DROSHA: variants seen among roughly 807,000 people sequenced by gnomAD.
DROSHA encodes the protein drosha ribonuclease III.
Under a neutral mutation model 181.9 loss-of-function variants are expected in DROSHA, and 56 were observed. That is an observed-to-expected ratio of 0.31 (90% CI 0.25 to 0.38). The LOEUF is 0.38. DROSHA is among the 10% of genes least tolerant of loss of function. The pLI, the probability that DROSHA is intolerant of heterozygous loss-of-function variation, is 1.00. For synonymous variants in DROSHA, 524 were observed against 591.2 expected (o/e 0.89, Z 1.65); for missense variants, 1,218 against 1,743.5 (o/e 0.70, Z 5.37).
intron 16 of DROSHA, among the ~76,000 whole-genome samples, chr5:31,482,238 GT>G (rs1363292536): frequency 6.6e-6 from 1 of 152,186 alleles, no homozygotes; most frequent in Non-Finnish European, 1.5e-5. Context: ...TTACTCTTCA[GT>G]ATTACTGAGT....
rs566209411 is a variant in DROSHA at position 31,496,394 on chromosome 5, T to G, written c.1669-1022A>C. ...GTGAGCCAAGATTGCACAACTGCAC[T>G]CCAGCCTGGGTGACAGAGGGAGACC... On this transcript the variant is annotated intron_variant, in intron 11 of 35. Transcript: ENST00000344624. 3.3e-5 allele frequency among the ~76,000 whole-genome samples: 5 copies of G among 152,198 alleles called. No individual in the cohort carries two copies. In the East Asian group the frequency reaches 9.6e-4, roughly 29 times the overall value.
rs1049444003 is a variant in DROSHA, at chr5:31,446,218, G to A, written c.2882+2329C>T. Among the ~76,000 whole-genome samples, 8 of 151,316 alleles carry A rather than the reference G, an allele frequency of 5.3e-5. No individual in the cohort carries two copies. In the East Asian group the frequency reaches 5.9e-4, roughly 11 times the overall value. On this transcript the variant is annotated intron_variant, in intron 23 of 35. Coordinates refer to ENST00000344624, the MANE Select transcript of DROSHA (RefSeq NM_001382508.1). ...TCCCAGCACTTTGGGAGGCCAAGGC[G>A]GGCGGATCACAAGGTCAGGACATCA...
chr5:31,452,486 C>A (rs1747148520), intron 20 of DROSHA, among the ~76,000 whole-genome samples: 1 of 152,104 alleles, frequency 6.6e-6, no homozygotes. Flanking sequence ...GAAGTCATAT[C>A]TTTTTCTTTT....
rs532927869 is a variant in DROSHA at position 31,473,563 on chromosome 5, C to T, written c.2072-1331G>A. Among the ~76,000 whole-genome samples the T allele has an allele frequency of 7.2e-5, 11 of 152,256 alleles. No homozygotes were observed. In the South Asian group the frequency reaches 2.3e-3, roughly 32 times the overall value. ...ATGGAAACAGCCAAAGCCTTGCCTT[C>T]CTGAAGCTTCTACTGCAGTAGAAAG... On this transcript the variant is annotated intron_variant, in intron 16 of 35. Transcript: ENST00000344624.
chr5:31,457,169 G>A (rs914171121), intron 20 of DROSHA, among the ~76,000 whole-genome samples: 3 of 141,552 alleles, frequency 2.1e-5, no homozygotes, highest in Non-Finnish European at 4.5e-5. Context: ...TGTTTCCCAG[G>A]CTGGAGTTCA....
chr5:31,518,357 C>T (rs917032617), intron 6 of DROSHA, among the ~76,000 whole-genome samples: 25 of 152,296 alleles, frequency 1.6e-4, no homozygotes, highest in East Asian at 5.8e-4. Context: ...TCATCCACTA[C>T]GGGAAAAGGA....
At chr5:31,405,218 T>C (rs1740494177) in intron 35 of DROSHA, among the ~76,000 whole-genome samples, 1 of 151,612 alleles carries the variant, frequency 6.6e-6, no homozygotes, top group Non-Finnish European at 1.5e-5. Flanking sequence ...AATACAAAAA[T>C]TTAGCTGGGT....
At chr5:31,422,483 GGC>G (rs1265710429) in intron 29 of DROSHA, among the ~76,000 whole-genome samples, 1 of 152,098 alleles carries the variant, frequency 6.6e-6, no homozygotes, top group African/African-American at 2.4e-5. Flanking sequence ...ACTGCACACA[GGC>G]CACATGGCCC....
rs548394772 is a variant in DROSHA, at chr5:31,424,974, C to A, written c.3217-503G>T. ...ATGAGATCATGCTTTTACAGTGGGT[C>A]ATTACAAATGTTCACTTGAACTACT... On this transcript the variant is annotated intron_variant, in intron 27 of 35. Coordinates refer to ENST00000344624, the MANE Select transcript of DROSHA (RefSeq NM_001382508.1). Among the ~76,000 whole-genome samples the A allele has an allele frequency of 2.6e-5, 4 of 152,224 alleles. No individual in the cohort carries two copies. In the South Asian group the frequency reaches 8.3e-4, roughly 32 times the overall value.
At chr5:31,435,291 G>A (rs1327719567) in intron 25 of DROSHA, among the ~76,000 whole-genome samples, 1 of 152,170 alleles carries the variant, frequency 6.6e-6, no homozygotes, top group Non-Finnish European at 1.5e-5. Flanking sequence ...AATCTTAATA[G>A]GATTTGTGAT....
chr5:31,423,076 T>C, intron 28 of DROSHA, 132 bp from the exon 29 acceptor site: 4 of 790,440 alleles, frequency 5.1e-6, no homozygotes, highest in African/African-American at 1.8e-5. Flanking sequence ...CAATAAAGCA[T>C]GGAAGCTCGT....
At chr5:31,438,726 A>T (rs1318601658) in intron 23 of DROSHA, among the ~76,000 whole-genome samples, 1 of 152,092 alleles carries the variant, frequency 6.6e-6, no homozygotes, top group African/African-American at 2.4e-5. Context: ...GGGTTAGTCA[A>T]TGTTAGACAG....
Position 31,511,349 on chromosome 5 carries a change from AATC to A in DROSHA, c.1291-176_1291-174del, listed in dbSNP as rs542072433. Among the ~76,000 whole-genome samples, 704 of 152,340 alleles carry A rather than the reference AATC, an allele frequency of 4.6e-3. 4 individuals carry two copies. The highest frequency in any genetic ancestry group is 0.015 in the African/African-American group (635 of 41,590). On this transcript the variant is annotated intron_variant, in intron 8 of 35. Transcript: ENST00000344624. ...CTCAAGTACTGGCAATCATACTCTG[AATC>A]AAACACACACTTATCGCTGACACAG...
At chr5:31,408,947 TG>T in intron 33 of DROSHA, 108 bp downstream of exon 33, 1 of 1,006,644 alleles carries the variant, frequency 9.9e-7, no homozygotes, top group Non-Finnish European at 1.5e-6. Context: ...GTCTCAATCC[TG>T]GGCTCCTGTC....
At position 31,515,078 on chromosome 5, in the gene DROSHA, A is replaced by C; in HGVS notation, c.1200T>G (p.Asn400Lys). The stretch of plus-strand genomic sequence containing the variant: ...TAAGAAGTTCTTCTTCTTCCTCCTC[A>C]TTCTTGTCAGGCATGGTCTCCTCGG... ...KEPEETMPDK[N>K]EEEEEELLKP... Residue 400 changes from asparagine to lysine, a missense_variant, in exon 8 of 36, where the codon AAT becomes AAG. This residue lies in a region of DROSHA where 536 missense variants were observed against 535.4 expected (regional missense o/e 1.00). Coordinates refer to ENST00000344624, the MANE Select transcript of DROSHA (RefSeq NM_001382508.1). 1 of 1,613,860 alleles carries C rather than the reference A, an allele frequency of 6.2e-7. No individual in the cohort carries two copies.
At chr5:31,460,962 A>T (rs1748337497) in intron 20 of DROSHA, among the ~76,000 whole-genome samples, 1 of 152,124 alleles carries the variant, frequency 6.6e-6, no homozygotes, top group Non-Finnish European at 1.5e-5. Flanking sequence ...GTTTTATTAA[A>T]CATTCATTAA....
At chr5:31,494,664 G>A (rs1208947141) in intron 12 of DROSHA, among the ~76,000 whole-genome samples, 1 of 152,000 alleles carries the variant, frequency 6.6e-6, no homozygotes, top group African/African-American at 2.4e-5. Context: ...CAGCCACTTT[G>A]GAAACAGTTT....
At chr5:31,427,502 A>G (rs1743627850) in intron 27 of DROSHA, among the ~76,000 whole-genome samples, 1 of 152,178 alleles carries the variant, frequency 6.6e-6, no homozygotes, top group African/African-American at 2.4e-5. Context: ...TGTTTTCCTC[A>G]AGGTCTTGCA....
chr5:31,482,056 C>T (rs1370660026), intron 16 of DROSHA, among the ~76,000 whole-genome samples: 1 of 152,182 alleles, frequency 6.6e-6, no homozygotes, highest in African/African-American at 2.4e-5. Flanking sequence ...GACAAGGGCT[C>T]CTGCCCAAGG....
Sources: gnomAD v4.1 joint callset for allele counts (sites outside exome capture counted in the v4.1 genomes callset) on GRCh38, gnomAD v4.1.1 for gene constraint, gnomAD v4.1.1 regional missense constraint, MANE v1.5 for transcripts, NCBI Gene and HGNC (gene_info 2026-07-23, HGNC 2026-07-21) for gene names.